Variants in PARD3B observed in about 807,000 individuals in gnomAD.
PARD3B encodes the protein par-3 family cell polarity regulator beta.
Under a neutral mutation model 130.2 loss-of-function variants are expected in PARD3B, and 103 were observed. The ratio of observed to expected loss-of-function variants is 0.79; its 90% CI spans 0.67 to 0.93. The LOEUF (loss-of-function observed/expected upper bound fraction) is 0.93, where lower values mean the gene tolerates loss of function less well. Among genes scored for constraint, PARD3B ranks in the 40% least tolerant of loss-of-function variants. PARD3B has a pLI of 0.00. For missense variants in PARD3B, 1,609 were observed against 1,499.2 expected, an observed-to-expected ratio of 1.07 and a Z score of -1.21; for synonymous variants, 583 against 553.2, an observed-to-expected ratio of 1.05 and a Z score of -0.76.
At chr2:204,951,075 C>G (rs1030573016) in intron 2 of PARD3B, among the ~76,000 whole-genome samples, 3 of 152,110 alleles carry the variant, frequency 2.0e-5, no homozygotes, top group Admixed American at 6.5e-5. Context: ...AATGTGAAAC[C>G]AGAATAAGCA....
chr2:204,662,930 C>T (rs2035877305), intron 1 of PARD3B, among the ~76,000 whole-genome samples: 1 of 152,122 alleles, frequency 6.6e-6, no homozygotes, highest in Non-Finnish European at 1.5e-5. Flanking sequence ...AACTGCTGTT[C>T]TATTACATAT....
chr2:205,251,930 T>C (rs969926569), intron 16 of PARD3B, among the ~76,000 whole-genome samples: 3 of 152,168 alleles, frequency 2.0e-5, no homozygotes, highest in African/African-American at 7.2e-5. Context: ...TATATACATT[T>C]CTCACATGCT....
At chr2:204,971,114 T>C (rs1691661805) in intron 3 of PARD3B, among the ~76,000 whole-genome samples, 1 of 152,238 alleles carries the variant, frequency 6.6e-6, no homozygotes, top group Non-Finnish European at 1.5e-5. Context: ...TATCTGATTT[T>C]GACTAATTTA....
At chr2:205,198,623 A>G (rs2036822253) in intron 15 of PARD3B, among the ~76,000 whole-genome samples, 1 of 152,210 alleles carries the variant, frequency 6.6e-6, no homozygotes, top group African/African-American at 2.4e-5. Flanking sequence ...TGAATATGAA[A>G]CCTTTTATAT....
At chr2:205,539,140 T>C (rs192724297) in intron 21 of PARD3B, among the ~76,000 whole-genome samples, 92 of 152,270 alleles carry the variant, frequency 6.0e-4, no homozygotes, top group African/African-American at 2.2e-3. Flanking sequence ...AATTAATTAA[T>C]GCTGGAATCA....
intron 3 of PARD3B, among the ~76,000 whole-genome samples, chr2:205,012,450 C>T (rs916537250): frequency 3.9e-5 from 6 of 152,102 alleles, no homozygotes; most frequent in Non-Finnish European, 8.8e-5. Flanking sequence ...TTATCCTGCC[C>T]AAAGCTTTTG....
intron 2 of PARD3B, among the ~76,000 whole-genome samples, chr2:204,773,380 A>C (rs2125435687): frequency 6.6e-6 from 1 of 151,634 alleles, no homozygotes; most frequent in African/African-American, 2.4e-5. Flanking sequence ...ATATTTGCAA[A>C]TATTTGCATA....
Position 205,142,881 on chromosome 2 carries a change from A to AAAATAAATAAATAAATAAATAAATAAAT in PARD3B, c.1435-15838_1435-15811dup, listed in dbSNP as rs139843896. On this transcript the variant is annotated intron_variant, in intron 10 of 22. Coordinates refer to ENST00000406610, the MANE Select transcript of PARD3B (RefSeq NM_001302769.2). The surrounding 1 kb of genome is among the most constrained non-coding windows in gnomAD (Gnocchi z 4.3). ...TGACAGGATGAGACTTCGGTCTCAA[A>AAAATAAATAAATAAATAAATAAATAAAT]AAATAAATAAATAAATAAATAAATA... Among the ~76,000 whole-genome samples, 1 of 146,638 alleles carries AAAATAAATAAATAAATAAATAAATAAAT rather than the reference A, an allele frequency of 6.8e-6. No homozygotes were observed. The highest frequency in any genetic ancestry group is 2.5e-5 in the African/African-American group (1 of 39,698).
chr2:205,405,955 C>T lies in PARD3B; in HGVS notation c.2741+4832C>T, dbSNP rs143375404. Among the ~76,000 whole-genome samples, 267 of 152,316 alleles carry T rather than the reference C, an allele frequency of 1.8e-3. No individual in the cohort carries two copies. The highest frequency in any genetic ancestry group is 6.1e-3 in the African/African-American group (255 of 41,572). ...AAAAGCTTAATCTGGTCCTAAGCTA[C>T]ATTACTGGAAGTTCATGTACAAAAT... On this transcript the variant is annotated intron_variant, in intron 19 of 22. Transcript: ENST00000406610. The surrounding 1 kb of genome is among the most constrained non-coding windows in gnomAD (Gnocchi z 4.1).
rs574997521 is a variant in PARD3B, at chr2:204,718,116, T to A, written c.222+31834T>A. On this transcript the variant is annotated intron_variant, in intron 2 of 22. Coordinates refer to ENST00000406610, the MANE Select transcript of PARD3B (RefSeq NM_001302769.2). ...GAAATGAAAGCAGGAAGGGAAAAATTGTCAGGACCTGAAGAAATTAATGTC... is the reference window on the plus strand; with the variant it reads ...GAAATGAAAGCAGGAAGGGAAAAATAGTCAGGACCTGAAGAAATTAATGTC... Among the ~76,000 whole-genome samples the A allele has an allele frequency of 2.0e-5, 3 of 152,168 alleles. No individual in the cohort carries two copies. In the South Asian group the frequency reaches 6.2e-4, roughly 32 times the overall value.
intron 2 of PARD3B, among the ~76,000 whole-genome samples, chr2:204,722,870 C>T (rs2039060072): frequency 6.6e-6 from 1 of 151,772 alleles, no homozygotes; most frequent in South Asian, 2.1e-4. Flanking sequence ...CTCTCACTTC[C>T]ACCTTCTGAC....
rs115178973 is a variant in PARD3B at position 205,018,321 on chromosome 2, C to A, written c.395-29260C>A. 2.1e-3 allele frequency among the ~76,000 whole-genome samples: 316 copies of A among 152,190 alleles called. 1 individual carries two copies. The highest frequency in any genetic ancestry group is 7.0e-3 in the African/African-American group (290 of 41,536). ...TAATTTTATTGTATCTACTTATTTA[C>A]CTTTAGCATAATTGTTTTCATGTAA... On this transcript the variant is annotated intron_variant, in intron 3 of 22. Coordinates refer to ENST00000406610, the MANE Select transcript of PARD3B (RefSeq NM_001302769.2).
At chr2:205,537,979 G>A (rs142762812) in intron 21 of PARD3B, among the ~76,000 whole-genome samples, 18 of 152,098 alleles carry the variant, frequency 1.2e-4, no homozygotes, top group African/African-American at 2.4e-4. Context: ...TGAGGATTAC[G>A]TGTTTCTCTG....
At chr2:205,255,781 C>T (rs908702423) in intron 16 of PARD3B, among the ~76,000 whole-genome samples, 1 of 152,124 alleles carries the variant, frequency 6.6e-6, no homozygotes, top group Non-Finnish European at 1.5e-5. Context: ...CTAGGAGCTT[C>T]CATGCACTCT....
rs183830382 is a variant in PARD3B, at chr2:204,724,509, A to G, written c.222+38227A>G. ...ATAAATTATTGCTTTCTTATTCAGT[A>G]TAAATTTGCTTTTCACTGTTTTGGG... On this transcript the variant is annotated intron_variant, in intron 2 of 22. Coordinates refer to ENST00000406610, the MANE Select transcript of PARD3B (RefSeq NM_001302769.2). Among the ~76,000 whole-genome samples the G allele has an allele frequency of 1.2e-3, 185 of 152,278 alleles. 1 individual carries two copies. The highest frequency in any genetic ancestry group is 2.4e-3 in the Admixed American group (37 of 15,288).
chr2:205,473,511 C>A lies in PARD3B; in HGVS notation c.3045-26385C>A, dbSNP rs2048910433. ...TTATACACTGCTGGTTTTCTGCTGC[C>A]TGACAGTAGGGCACGTTTCACTCAT... is the stretch of plus-strand genomic sequence containing the variant. On this transcript the variant is annotated intron_variant, in intron 20 of 22. Coordinates refer to ENST00000406610, the MANE Select transcript of PARD3B (RefSeq NM_001302769.2). This position sits in a 1 kb window ranked among gnomAD's most constrained non-coding sequence, Gnocchi z 4.9. Among the ~76,000 whole-genome samples, 1 of 151,586 alleles carries A rather than the reference C, an allele frequency of 6.6e-6. No homozygotes were observed. Among genetic ancestry groups the A allele is most frequent in the East Asian group, 1.9e-4 (1 of 5,150 alleles).
At chr2:205,232,704 T>C (rs1259049307) in intron 15 of PARD3B, among the ~76,000 whole-genome samples, 3 of 152,204 alleles carry the variant, frequency 2.0e-5, no homozygotes, top group Admixed American at 6.5e-5. Flanking sequence ...ATGGAAGATA[T>C]AAAAGAAGAC....
At chr2:205,084,765 TG>T in intron 4 of PARD3B, among the ~76,000 whole-genome samples, 1 of 152,076 alleles carries the variant, frequency 6.6e-6, no homozygotes, top group South Asian at 2.1e-4. Flanking sequence ...GAGAACAAGA[TG>T]TAAGATGTGT....
At chr2:205,029,242 A>T (rs1697257348) in intron 3 of PARD3B, among the ~76,000 whole-genome samples, 1 of 152,128 alleles carries the variant, frequency 6.6e-6, no homozygotes, top group South Asian at 2.1e-4. Context: ...TTTGGGTATT[A>T]GAGCCTTTCT....
Sources: allele counts gnomAD v4.1 joint callset (sites outside exome capture counted in the v4.1 genomes callset), GRCh38; gene constraint gnomAD v4.1.1; non-coding constraint Gnocchi (gnomAD v3.1); transcripts MANE v1.5; gene names NCBI Gene and HGNC (gene_info 2026-07-23, HGNC 2026-07-21).